The following IDE variants were observed in gnomAD, a reference collection of about 807,000 sequenced individuals.
IDE encodes the protein insulin degrading enzyme.
IDE carries 58 observed loss-of-function variants against 133.2 expected under a neutral mutation model. The ratio of observed to expected loss-of-function variants is 0.44; its 90% confidence interval spans 0.35 to 0.54. IDE has a LOEUF of 0.54. IDE is among the 20% of genes least tolerant of loss of function. IDE has a pLI of 0.00. For synonymous variants in IDE, 396 were observed against 421.3 expected (o/e 0.94, Z 0.73); for missense variants, 981 against 1,234.0 (o/e 0.79, Z 3.07).
intron 1 of IDE, among the ~76,000 whole-genome samples, chr10:92,564,551 T>A (rs1418923579): frequency 6.6e-6 from 1 of 151,650 alleles, no homozygotes; most frequent in Non-Finnish European, 1.5e-5. Flanking sequence ...GGCACACGCC[T>A]GTAGTCCCAG....
In IDE at chr10:92,452,589, G is replaced by T. The variant is rs1844799099; in HGVS notation, c.*1855C>A. ...GGTTCATGGAAGACTACATGAGATT[G>T]CTCTCAGATCTCTTCATGTGTCATT... On this transcript the variant is annotated 3_prime_UTR_variant, in exon 25 of 25. Transcript: ENST00000265986. The T allele has an allele frequency of 6.6e-6, 1 of 152,178 alleles. No individual in the cohort carries two copies. The highest frequency in any genetic ancestry group is 1.5e-5 in the Non-Finnish European group (1 of 68,028). The allele number at this position is 152,178 out of a possible 1,614,324, so 9.4% of individuals were successfully genotyped here.
chr10:92,529,991 C>A (rs1025902455), intron 4 of IDE, among the ~76,000 whole-genome samples: 1 of 151,946 alleles, frequency 6.6e-6, no homozygotes, highest in Non-Finnish European at 1.5e-5. Context: ...TTTGGAAGGC[C>A]GAGGCAGGCG....
intron 1 of IDE, among the ~76,000 whole-genome samples, chr10:92,557,071 C>A (rs7917163): frequency 0.87 from 132,980 of 152,124 alleles, 58,474 homozygotes; most frequent in East Asian, 0.97. Flanking sequence ...CCCACCTAAG[C>A]CTCCTTTTTT....
chr10:92,548,967 C>T (rs1488444360), intron 1 of IDE, among the ~76,000 whole-genome samples: 1 of 152,102 alleles, frequency 6.6e-6, no homozygotes, highest in African/African-American at 2.4e-5. Context: ...TATGGGATAT[C>T]TCCCACAAGA....
chr10:92,473,163 C>T (rs531147246), intron 17 of IDE, among the ~76,000 whole-genome samples: 4 of 151,982 alleles, frequency 2.6e-5, no homozygotes, highest in Admixed American at 2.0e-4. Flanking sequence ...ATCTCCTGAC[C>T]TCGTGATCCG....
intron 22 of IDE, among the ~76,000 whole-genome samples, chr10:92,457,528 C>T (rs1845097303): frequency 6.6e-6 from 1 of 152,040 alleles, no homozygotes. Context: ...ACCATGAATG[C>T]CAGCAGTGCT....
At chr10:92,492,857 C>T (rs915602117) in intron 11 of IDE, among the ~76,000 whole-genome samples, 26 of 152,142 alleles carry the variant, frequency 1.7e-4, no homozygotes, top group African/African-American at 5.5e-4. Context: ...TTTATTCATT[C>T]TAGACAAAAT....
intron 19 of IDE, among the ~76,000 whole-genome samples, chr10:92,467,677 T>C (rs776693566): frequency 5.9e-5 from 9 of 152,236 alleles, no homozygotes; most frequent in African/African-American, 2.2e-4. Context: ...AAGTCAACTG[T>C]TATGGCTCTT....
At chr10:92,514,540 C>T (rs1318250596) in intron 5 of IDE, among the ~76,000 whole-genome samples, 1 of 152,004 alleles carries the variant, frequency 6.6e-6, no homozygotes, top group East Asian at 1.9e-4. Flanking sequence ...CTCCTGGGCT[C>T]AAGCGATCTT....
Position 92,482,265 on chromosome 10 carries a change from A to G in IDE, c.1739+990T>C, listed in dbSNP as rs1282249260. Among the ~76,000 whole-genome samples the G allele has an allele frequency of 2.6e-5, 4 of 152,316 alleles. No homozygotes were observed. In the East Asian group the frequency reaches 5.8e-4, roughly 22 times the overall value. ...CCATGATAGGCTTATCTTACAAACC[A>G]CTGAATTTTAGAAATATAAAATTAT... On this transcript the variant is annotated intron_variant, in intron 14 of 24. Coordinates refer to ENST00000265986, the MANE Select transcript of IDE (RefSeq NM_004969.4).
rs763890944 is a variant in IDE, at chr10:92,574,015, C to T, written c.5G>A (p.Arg2Gln). ...GTGCAGAAGCCACGCTAGCCGGTAC[C>T]GCATTAGCCAGCGCAGTCGCCGGGA... MRYRLAWLLHPA... is the reference protein window; with the variant it reads MQYRLAWLLHPA... The change falls in exon 1 of 25, where the codon CGG becomes CAG. Residue 2 changes from arginine (R) to glutamine (Q), a missense_variant. Arg to Gln is a conservative substitution (Grantham distance 43). This residue lies in a region of IDE where 321 missense variants were observed against 339.3 expected (regional missense o/e 0.95). Coordinates refer to ENST00000265986, the MANE Select transcript of IDE (RefSeq NM_004969.4). 1.3e-6 allele frequency: 2 copies of T among 1,512,652 alleles called. No homozygotes were observed. Among genetic ancestry groups the T allele is most frequent in the Admixed American group, 2.2e-5 (1 of 46,424 alleles). 93.7% of individuals were successfully genotyped at this position (1,512,652 alleles called of 1,614,324 possible).
intron 4 of IDE, among the ~76,000 whole-genome samples, chr10:92,525,542 A>G (rs973393501): frequency 6.6e-6 from 1 of 152,188 alleles, no homozygotes; most frequent in Non-Finnish European, 1.5e-5. Context: ...TCCTAGCCAG[A>G]GCCATTAGAC....
At chr10:92,520,076 G>C (rs551590990) in intron 4 of IDE, among the ~76,000 whole-genome samples, 49 of 152,238 alleles carry the variant, frequency 3.2e-4, no homozygotes, top group Non-Finnish European at 6.5e-4. Context: ...CTGCACTCCA[G>C]CCTGGGTGAC....
At chr10:92,533,080 A>C (rs1301380303) in intron 3 of IDE, among the ~76,000 whole-genome samples, 4 of 152,196 alleles carry the variant, frequency 2.6e-5, no homozygotes, top group Non-Finnish European at 5.9e-5. Context: ...AAAAATGTCT[A>C]ATAGCTACAT....
At chr10:92,506,308 G>T in intron 10 of IDE, 134 bp downstream of exon 10, 1 of 439,266 alleles carries the variant, frequency 2.3e-6, no homozygotes, top group Non-Finnish European at 4.1e-6. Context: ...ATCAACATTT[G>T]CCCTGTTGCT....
At chr10:92,566,407 TCTCTCTCA>T (rs1249759914) in intron 1 of IDE, among the ~76,000 whole-genome samples, 4 of 141,730 alleles carry the variant, frequency 2.8e-5, no homozygotes, top group African/African-American at 1.1e-4. Context: ...TCTCTCTCTC[TCTCTCTCA>T]CACACACACA....
At chr10:92,483,205 C>T (rs776020549) in intron 14 of IDE, 50 bp downstream of exon 14, 15 of 918,858 alleles carry the variant, frequency 1.6e-5, no homozygotes, top group Middle Eastern at 2.2e-4. Context: ...CTCCTGGAAA[C>T]GTAATTGTTG....
intron 1 of IDE, among the ~76,000 whole-genome samples, chr10:92,540,011 G>T (rs1440643029): frequency 6.6e-6 from 1 of 152,134 alleles, no homozygotes; most frequent in African/African-American, 2.4e-5. Flanking sequence ...GGAGACTGAG[G>T]CGGGCAGATC....
At chr10:92,471,629 T>C (rs1272710055) in intron 17 of IDE, among the ~76,000 whole-genome samples, 6 of 152,154 alleles carry the variant, frequency 3.9e-5, no homozygotes, top group Non-Finnish European at 7.3e-5. Flanking sequence ...TCTCTCTCTA[T>C]TAAAATGATC....
Sources: gnomAD v4.1 joint callset for allele counts (sites outside exome capture counted in the v4.1 genomes callset) on GRCh38, gnomAD v4.1.1 for gene constraint, gnomAD v4.1.1 regional missense constraint, MANE v1.5 for transcripts, NCBI Gene and HGNC (gene_info 2026-07-23, HGNC 2026-07-21) for gene names.